Variants in MACROD2 observed in about 807,000 individuals in gnomAD.
MACROD2 encodes the protein mono-ADP ribosylhydrolase 2, also known as ADP-ribose glycohydrolase MACROD2.
A neutral mutation model predicts 70.4 loss-of-function variants in MACROD2; 36 were observed. The ratio of observed to expected loss-of-function variants is 0.51; its 90% CI spans 0.39 to 0.68. The LOEUF is 0.68. Among genes scored for constraint, MACROD2 ranks in the 30% least tolerant of loss-of-function variants. The probability of loss-of-function intolerance (pLI) is 0.00; values close to 1 mark genes in which losing one functional copy is unlikely to be tolerated. For missense variants in MACROD2, 496 were observed against 538.4 expected (o/e 0.92, Z 0.78); for synonymous variants, 172 against 178.8 (o/e 0.96, Z 0.30).
intron 5 of MACROD2, among the ~76,000 whole-genome samples, chr20:14,719,123 T>C (rs2071432590): frequency 6.6e-6 from 1 of 151,984 alleles, no homozygotes; most frequent in Admixed American, 6.6e-5. Context: ...TCCCAGCTAC[T>C]TGGGAGTCTG....
intron 8 of MACROD2, 39 bp from the exon 9 acceptor site, chr20:15,862,706 A>G (rs2064440960): frequency 2.6e-6 from 4 of 1,534,758 alleles, no homozygotes; most frequent in East Asian, 2.3e-5. Flanking sequence ...CAATTGCCAT[A>G]TTTTTTTTCA....
At chr20:14,958,622 T>C (rs545412121) in intron 5 of MACROD2, among the ~76,000 whole-genome samples, 82 of 152,212 alleles carry the variant, frequency 5.4e-4, no homozygotes, top group Non-Finnish European at 9.8e-4. Flanking sequence ...TACTCTTGCA[T>C]GTTCCCCATG....
intron 8 of MACROD2, among the ~76,000 whole-genome samples, chr20:15,506,123 C>T (rs967628717): frequency 9.2e-5 from 14 of 152,274 alleles, no homozygotes; most frequent in Admixed American, 1.3e-4. Flanking sequence ...GCTCCCAGAC[C>T]TCACCCAGTG....
intron 7 of MACROD2, among the ~76,000 whole-genome samples, chr20:15,452,988 G>A (rs964550877): frequency 6.6e-6 from 1 of 152,122 alleles, no homozygotes; most frequent in African/African-American, 2.4e-5. Context: ...AAATAATGGA[G>A]AGGATTTGAG....
chr20:15,455,273 A>G (rs746247038), intron 7 of MACROD2, among the ~76,000 whole-genome samples: 10 of 152,186 alleles, frequency 6.6e-5, no homozygotes, highest in South Asian at 2.1e-4. Context: ...TATGTCAGCC[A>G]TGATTTAGAT....
intron 3 of MACROD2, among the ~76,000 whole-genome samples, chr20:14,425,266 C>A (rs2083920477): frequency 6.6e-6 from 1 of 152,136 alleles, no homozygotes. Flanking sequence ...TACTGGCATT[C>A]CATTATGAAA....
rs66918191 is a variant in MACROD2 at position 14,082,177 on chromosome 20, CTTTT to C, written c.164-3428_164-3425del. The stretch of plus-strand genomic sequence containing the variant: ...TTTTCCCATACCTTTCTTTTTTTTT[CTTTT>C]TTTTTTTTTTTTTTTGAGATGTAGT... On this transcript the variant is annotated intron_variant, in intron 2 of 17. Coordinates refer to ENST00000684519, the MANE Select transcript of MACROD2 (RefSeq NM_001351661.2). Among the ~76,000 whole-genome samples, 207 of 93,200 alleles carry C rather than the reference CTTTT, an allele frequency of 2.2e-3. 3 individuals are homozygous for C. The highest frequency in any genetic ancestry group is 8.9e-3 in the African/African-American group (201 of 22,602). The allele number at this position is 93,200 out of a possible 152,430, so 61.1% of individuals were successfully genotyped here.
chr20:14,879,290 T>C (rs1241225628), intron 5 of MACROD2, among the ~76,000 whole-genome samples: 1 of 152,172 alleles, frequency 6.6e-6, no homozygotes, highest in African/African-American at 2.4e-5. Flanking sequence ...CTAAATTTAA[T>C]GTATGTCATC....
intron 4 of MACROD2, among the ~76,000 whole-genome samples, chr20:14,538,108 A>G (rs772067607): frequency 1.3e-5 from 2 of 152,230 alleles, no homozygotes; most frequent in Non-Finnish European, 2.9e-5. Flanking sequence ...TGAAGGGGAT[A>G]CTATAATATA....
intron 8 of MACROD2, among the ~76,000 whole-genome samples, chr20:15,649,141 CTCTT>C (rs1168576222): frequency 3.9e-5 from 5 of 129,672 alleles, no homozygotes; most frequent in East Asian, 2.7e-4. Flanking sequence ...CCTTCCCTTC[CTCTT>C]TCTTTCTTTT....
intron 6 of MACROD2, among the ~76,000 whole-genome samples, chr20:15,382,213 CT>C (rs1320399048): frequency 6.6e-6 from 1 of 152,170 alleles, no homozygotes; most frequent in Non-Finnish European, 1.5e-5. Context: ...TCGCCACTCC[CT>C]CATTCCCTAG....
chr20:15,025,862 C>T (rs953763147), intron 5 of MACROD2, among the ~76,000 whole-genome samples: 3 of 152,090 alleles, frequency 2.0e-5, no homozygotes, highest in Admixed American at 2.0e-4. Flanking sequence ...CCCCCTCAAC[C>T]CATTGAGAGC....
chr20:15,363,521 G>GT (rs906026076), intron 6 of MACROD2, among the ~76,000 whole-genome samples: 10 of 152,286 alleles, frequency 6.6e-5, no homozygotes, highest in African/African-American at 2.4e-4. Flanking sequence ...CACTCCATCA[G>GT]TTTTTACCAA....
chr20:14,203,724 A>G (rs2081499286), intron 3 of MACROD2, among the ~76,000 whole-genome samples: 1 of 152,166 alleles, frequency 6.6e-6, no homozygotes, highest in Non-Finnish European at 1.5e-5. Flanking sequence ...GTGAGGCTTT[A>G]CTGGGGACAG....
At chr20:15,310,708 C>A (rs1400691307) in intron 6 of MACROD2, among the ~76,000 whole-genome samples, 2 of 152,070 alleles carry the variant, frequency 1.3e-5, no homozygotes, top group African/African-American at 4.8e-5. Context: ...ATTCCAAGAT[C>A]TTGCAGAAAC....
intron 15 of MACROD2, among the ~76,000 whole-genome samples, chr20:16,017,653 C>T (rs1192403599): frequency 2.0e-5 from 3 of 152,176 alleles, no homozygotes; most frequent in Non-Finnish European, 4.4e-5. Context: ...AGCCATTTTG[C>T]TGGAGGTGCC....
At chr20:14,458,522 A>G (rs2084330486) in intron 3 of MACROD2, among the ~76,000 whole-genome samples, 1 of 152,102 alleles carries the variant, frequency 6.6e-6, no homozygotes. Context: ...TTCTGTGGCC[A>G]TCTGTGGCAG....
intron 2 of MACROD2, chr20:14,052,161 G>A (rs1321769450): frequency 2.0e-5 from 6 of 294,030 alleles, no homozygotes; most frequent in African/African-American, 4.5e-5. Context: ...TTTTCCAAGG[G>A]TGGTAGAGAA....
chr20:15,622,855 T>C (rs1197686594), intron 8 of MACROD2, among the ~76,000 whole-genome samples: 1 of 152,204 alleles, frequency 6.6e-6, no homozygotes, highest in African/African-American at 2.4e-5. Context: ...TCTCTTACTG[T>C]GCCTAATTTA....
Sources: allele counts gnomAD v4.1 joint callset (sites outside exome capture counted in the v4.1 genomes callset), GRCh38; gene constraint gnomAD v4.1.1; transcripts MANE v1.5; gene names NCBI Gene and HGNC (gene_info 2026-07-23, HGNC 2026-07-21).